The following PTOV1 variants were observed in gnomAD, a reference collection of about 807,000 sequenced individuals.
PTOV1 encodes PTOV1 extended AT-hook containing adaptor protein, also known as prostate tumor-overexpressed gene 1 protein.
PTOV1 carries 20 observed loss-of-function variants against 58.0 expected under a neutral mutation model. That is an observed-to-expected ratio of 0.34 (90% CI 0.24 to 0.50). The LOEUF (loss-of-function observed/expected upper bound fraction) is 0.50. Ranked by LOEUF, PTOV1 falls within the 20% of genes least tolerant of loss-of-function variation. The probability of loss-of-function intolerance (pLI) is 0.98; values close to 1 mark genes in which losing one functional copy is unlikely to be tolerated. For synonymous variants in PTOV1, 335 were observed against 234.2 expected (o/e 1.43, Z -3.93); for missense variants, 593 against 565.4 (o/e 1.05, Z -0.50).
chr19:49,860,367 GA>G, exon 12 of PTOV1: 2 of 535,118 alleles, frequency 3.7e-6, no homozygotes, highest in Non-Finnish European at 6.7e-6. Context: ...GTACAGGAGG[GA>G]CCCTGGGGCA....
chr19:49,850,874 G>A (rs763610139), upstream of PTOV1: 10 of 1,535,636 alleles, frequency 6.5e-6, no homozygotes, highest in East Asian at 2.2e-4. Flanking sequence ...CGGGCCCAGG[G>A]CTCCGGATGA....
chr19:49,860,239 C>T (rs774948514), intron 11 of PTOV1, 29 bp from the exon 12 acceptor site: 1 of 1,613,632 alleles, frequency 6.2e-7, no homozygotes, highest in South Asian at 1.1e-5. Context: ...GCTGCCTGCT[C>T]ACCACTGGCC....
upstream of PTOV1, chr19:49,850,839 A>G: frequency 6.5e-7 from 1 of 1,534,454 alleles, no homozygotes; most frequent in Non-Finnish European, 8.7e-7. Flanking sequence ...TCCCTGATGT[A>G]TTTTGGCGCG....
intron 5 of PTOV1, 189 bp downstream of exon 5, chr19:49,855,266 T>A: frequency 1.6e-6 from 1 of 607,474 alleles, no homozygotes; most frequent in Non-Finnish European, 2.9e-6. Context: ...GTGAAGGAAC[T>A]CAGCCTGAGA....
intron 10 of PTOV1, 100 bp from the exon 11 acceptor site, chr19:49,859,886 G>C: frequency 2.3e-6 from 3 of 1,300,922 alleles, no homozygotes; most frequent in Non-Finnish European, 3.3e-6. Flanking sequence ...AGAGCAGTTA[G>C]GCTGTGCCTG....
intron 1 of PTOV1, chr19:49,851,836 G>A (rs2074263743): frequency 1.0e-6 from 1 of 995,512 alleles, no homozygotes. Flanking sequence ...AGAGTTGCTC[G>A]CTCTCCGGGC....
chr19:49,858,391 CAGGGTTGGGCTGGTTG>C, intron 9 of PTOV1, 142 bp from the exon 10 acceptor site: 1 of 704,664 alleles, frequency 1.4e-6, no homozygotes, highest in East Asian at 2.7e-5. Context: ...CACAGCACTC[CAGGGTTGGGCTGGTTG>C]AGCGGTGGAG....
At chr19:49,860,668 A>C (rs2074718268) in exon 12 of PTOV1, 1 of 402,614 alleles carries the variant, frequency 2.5e-6, no homozygotes, top group African/African-American at 2.0e-5. Context: ...AGCAACATGG[A>C]GGATGGTGTC....
In PTOV1 at chr19:49,859,966, C is replaced by G; in HGVS notation, c.1042-20C>G. ...GTCCCTGTGGTGCTGTCTGGTGACA[C>G]CACGCCCTGTGCCTGCCAGGCCGGC... On this transcript the variant is annotated intron_variant, in intron 10 of 11. Transcript: ENST00000391842. 1 of 1,613,272 alleles carries G rather than the reference C, an allele frequency of 6.2e-7. No homozygotes were observed. The highest frequency in any genetic ancestry group is 8.5e-7 in the Non-Finnish European group (1 of 1,179,422).
intron 9 of PTOV1, 175 bp from the exon 10 acceptor site, chr19:49,858,374 C>T (rs968094563): frequency 2.9e-5 from 20 of 680,992 alleles, no homozygotes; most frequent in Admixed American, 5.3e-5. Context: ...GATCTGAGAG[C>T]GGCTTCCACA....
At chr19:49,852,130 A>G (rs1290997477) in intron 1 of PTOV1, 9 of 947,568 alleles carry the variant, frequency 9.5e-6, no homozygotes, top group Admixed American at 6.2e-5. Flanking sequence ...AGAAACCGTA[A>G]GGTTTACCTG....
chr19:49,853,785 C>T (rs554372417), intron 1 of PTOV1, among the ~76,000 whole-genome samples: 5 of 152,306 alleles, frequency 3.3e-5, no homozygotes, highest in South Asian at 2.1e-4. Context: ...CCCTTTTCCT[C>T]GCTGTCTTTC....
intron 10 of PTOV1, chr19:49,858,859 C>T (rs1231515978): frequency 5.6e-6 from 3 of 538,294 alleles, no homozygotes; most frequent in Non-Finnish European, 1.0e-5. Flanking sequence ...TCTGCGGGGG[C>T]CTGCTCCTCC....
intron 1 of PTOV1, 188 bp downstream of exon 1, chr19:49,851,687 T>C (rs1006239974): frequency 9.9e-7 from 1 of 1,012,580 alleles, no homozygotes; most frequent in Non-Finnish European, 1.2e-6. Context: ...TCCCCTTTGT[T>C]GCGCGTTCGG....
At position 49,851,559 on chromosome 19, in the gene PTOV1, C is replaced by G. The variant is rs975920617; in HGVS notation, c.171+60C>G. 4 of 1,064,422 alleles carry G rather than the reference C, an allele frequency of 3.8e-6. No individual in the cohort carries two copies. The South Asian group carries it at 1.9e-4, about 50-fold the overall frequency. 65.9% of individuals were successfully genotyped at this position (1,064,422 alleles called of 1,614,324 possible). The stretch of plus-strand genomic sequence containing the variant: ...GGCCCCGCCCCCCCAGCCCCTATCC[C>G]GGGCTCACGCCTTTGTCCGCAGCCC... On this transcript the variant is annotated intron_variant, in intron 1 of 11. Coordinates refer to ENST00000391842, the Ensembl canonical transcript of PTOV1.
rs1443356802 is a variant in PTOV1 at position 49,854,829 on chromosome 19, A to G, written c.393-2A>G. The G allele has an allele frequency of 6.2e-7, 1 of 1,613,302 alleles. No individual in the cohort carries two copies. Among genetic ancestry groups the G allele is most frequent in the East Asian group, 2.2e-5 (1 of 44,874 alleles). ...CCCTTTCTGACCAGCTCCTTCCCAT[A>G]GGGAGACCGACCAGTGGCCGCAGAA... is the stretch of plus-strand genomic sequence containing the variant. On this transcript the variant is annotated splice_acceptor_variant, in intron 3 of 11. Coordinates refer to ENST00000391842, the Ensembl canonical transcript of PTOV1. LOFTEE classifies it high-confidence loss of function.
intron 6 of PTOV1, chr19:49,857,344 C>T (rs1015139353): frequency 7.3e-6 from 5 of 684,184 alleles, no homozygotes; most frequent in South Asian, 3.7e-5. Flanking sequence ...TGGGTCTTGG[C>T]GCGGCGGCAG....
At chr19:49,855,924 TGGCAGGTGCTGGAGAGGA>T (rs2074442679) in intron 5 of PTOV1, among the ~76,000 whole-genome samples, 1 of 151,868 alleles carries the variant, frequency 6.6e-6, no homozygotes, top group Non-Finnish European at 1.5e-5. Context: ...CTGTGAAAGA[TGGCAGGTGCTGGAGAGGA>T]GGCAGGGGTG....
chr19:49,852,077 G>A (rs1459740950), intron 1 of PTOV1: 1 of 985,372 alleles, frequency 1.0e-6, no homozygotes, highest in Non-Finnish European at 1.2e-6. Flanking sequence ...GGTACTTTGG[G>A]CTGCACACGC....
Sources: allele counts gnomAD v4.1 joint callset (sites outside exome capture counted in the v4.1 genomes callset), GRCh38; gene constraint gnomAD v4.1.1; transcripts MANE v1.5; gene names NCBI Gene and HGNC (gene_info 2026-07-23, HGNC 2026-07-21).